The following FCRL5 variants were observed in gnomAD, a reference collection of about 807,000 sequenced individuals.
FCRL5 encodes the protein Fc receptor like 5.
Under a neutral mutation model 92.1 loss-of-function variants are expected in FCRL5, and 79 were observed. The observed-to-expected ratio is 0.86, with a 90% CI of 0.72 to 1.03. FCRL5 has a LOEUF of 1.03. Among genes scored for constraint, FCRL5 ranks in the 50% least tolerant of loss-of-function variants. FCRL5 has a pLI of 0.00. For synonymous variants in FCRL5, 466 were observed against 469.3 expected (o/e 0.99, Z 0.09); for missense variants, 1,160 against 1,181.1 (o/e 0.98, Z 0.26).
chr1:157,548,078 T>A (rs1201976388), intron 2 of FCRL5, among the ~76,000 whole-genome samples: 1 of 152,164 alleles, frequency 6.6e-6, no homozygotes, highest in African/African-American at 2.4e-5. Context: ...CTATCCTGAG[T>A]CAATATACTT....
At position 157,521,185 on chromosome 1, in the gene FCRL5, G is replaced by A; in HGVS notation, c.2347C>T (p.Leu783=). Residue 783 remains leucine, a synonymous_variant, in exon 11 of 17, where the codon CTG becomes TTG. Transcript: ENST00000361835. ...CEALRGSPLI[L]YRFFHEDVTL... ...ACATCCTCATGAAAAAACCGGTACA[G>A]GATCAGGGGAGAGCCTCTCAGGGCC... The A allele has an allele frequency of 6.2e-7, 1 of 1,614,160 alleles. No individual in the cohort carries two copies. Among genetic ancestry groups the A allele is most frequent in the East Asian group, 2.2e-5 (1 of 44,870 alleles).
chr1:157,546,540 T>C (rs1168147718), intron 3 of FCRL5, among the ~76,000 whole-genome samples: 14 of 148,932 alleles, frequency 9.4e-5, no homozygotes, highest in Non-Finnish European at 1.9e-4. Context: ...TCAAATAAAT[T>C]AATCCTCAGA....
At chr1:157,542,522 G>A (rs549199341) in intron 6 of FCRL5, 158 of 264,234 alleles carry the variant, frequency 6.0e-4, no homozygotes, top group African/African-American at 3.2e-3. Context: ...TTGAGTCTGT[G>A]TCTACTGAGA....
intron 6 of FCRL5, 92 bp downstream of exon 6, chr1:157,542,767 G>T: frequency 7.1e-7 from 1 of 1,415,666 alleles, no homozygotes; most frequent in Non-Finnish European, 9.6e-7. Flanking sequence ...AAGAAACTGA[G>T]GATACTGGAA....
intron 10 of FCRL5, among the ~76,000 whole-genome samples, chr1:157,522,957 C>T (rs1054189030): frequency 6.6e-6 from 1 of 152,126 alleles, no homozygotes; most frequent in African/African-American, 2.4e-5. Flanking sequence ...GGGAGAGCCC[C>T]TGCAAATCTC....
chr1:157,537,710 G>T (rs368694605), intron 7 of FCRL5, among the ~76,000 whole-genome samples: 1 of 151,996 alleles, frequency 6.6e-6, no homozygotes, highest in African/African-American at 2.4e-5. Flanking sequence ...TGTCGCCCCC[G>T]GACACCCAGC....
At position 157,552,488 on chromosome 1, in the gene FCRL5, G is replaced by T. The variant is rs895980126; in HGVS notation, c.-126C>A. ...CCAAGGAGCACATCTGAGAAGCTGT[G>T]CTCTCAAAAAGAGCAGAATGCATTA... On this transcript the variant is annotated 5_prime_UTR_variant, in exon 1 of 17. Transcript: ENST00000361835. The T allele has an allele frequency of 5.1e-6, 5 of 984,928 alleles. No individual in the cohort carries two copies. The highest frequency in any genetic ancestry group is 3.8e-5 in the Admixed American group (2 of 53,226). 61.0% of individuals were successfully genotyped at this position (984,928 alleles called of 1,614,324 possible).
intron 1 of FCRL5, among the ~76,000 whole-genome samples, chr1:157,551,952 G>C (rs1651837794): frequency 6.6e-6 from 1 of 152,134 alleles, no homozygotes; most frequent in South Asian, 2.1e-4. Context: ...ATCTGGCCTT[G>C]TCATACAAGG....
chr1:157,521,277 G>A lies in FCRL5; in HGVS notation c.2255C>T (p.Pro752Leu), dbSNP rs187912514. 16 of 1,608,910 alleles carry A rather than the reference G, an allele frequency of 9.9e-6. 1 individual carries two copies. In the African/African-American group the frequency reaches 1.2e-4, roughly 12 times the overall value. ...TLKVAVPVSR[P>L]VLTLRAPGTH... ...CCCGGGAGCCCTGAGGGTGAGGACC[G>A]GGCGAGACACCGGAACTGAAAGAGA... is the stretch of plus-strand genomic sequence containing the variant. Residue 752 changes from proline to leucine, a missense_variant, in exon 11 of 17, where the codon CCG becomes CTG. Transcript: ENST00000361835.
rs146907455 is a variant in FCRL5 at position 157,551,709 on chromosome 1, A to G, written c.31+623T>C. On this transcript the variant is annotated intron_variant, in intron 1 of 16. Coordinates refer to ENST00000361835, the MANE Select transcript of FCRL5 (RefSeq NM_031281.3). ...TATTTAATTATAATATTTAACCTTT[A>G]GTAAAAATCAACCAGTTCGCACATA... 5.6e-3 allele frequency among the ~76,000 whole-genome samples: 846 copies of G among 152,354 alleles called. 7 individuals carry two copies. The highest frequency in any genetic ancestry group is 0.018 in the African/African-American group (766 of 41,588).
At position 157,527,653 on chromosome 1, in the gene FCRL5, C is replaced by T. The variant is rs1194601987; in HGVS notation, c.1924G>A (p.Ala642Thr). ...AGTGATATTGTGTCACTGTGCTGGG[C>T]CACTAGGCCATTGTTGGCCTCACAT... ...YSCEANNGLV[A>T]QHSDTISLSV... The change falls in exon 9 of 17, where the codon GCC becomes ACC. Residue 642 changes from alanine (A) to threonine (T), a missense_variant. Ala to Thr is a moderately conservative substitution (Grantham distance 58). Coordinates refer to ENST00000361835, the MANE Select transcript of FCRL5 (RefSeq NM_031281.3). 1 of 1,613,402 alleles carries T rather than the reference C, an allele frequency of 6.2e-7. No homozygotes were observed.
intron 1 of FCRL5, 75 bp from the exon 2 acceptor site, chr1:157,549,655 AC>A: frequency 7.2e-7 from 1 of 1,383,930 alleles, no homozygotes; most frequent in East Asian, 2.4e-5. Context: ...TCCCTTTTTT[AC>A]CCATGCATGT....
intron 12 of FCRL5, among the ~76,000 whole-genome samples, chr1:157,520,186 C>T (rs1427878142): frequency 6.6e-6 from 1 of 152,196 alleles, no homozygotes; most frequent in Non-Finnish European, 1.5e-5. Flanking sequence ...GGAAGACACT[C>T]TGTAGTTTAT....
intron 2 of FCRL5, among the ~76,000 whole-genome samples, chr1:157,548,691 T>C (rs1479501009): frequency 2.0e-5 from 3 of 152,180 alleles, no homozygotes; most frequent in Non-Finnish European, 2.9e-5. Context: ...AAAATGCTCA[T>C]CATCACTGGC....
In FCRL5 at chr1:157,539,074, C is replaced by A. The variant is rs765418801; in HGVS notation, c.1402+12G>T. On this transcript the variant is annotated intron_variant, in intron 7 of 16. Coordinates refer to ENST00000361835, the MANE Select transcript of FCRL5 (RefSeq NM_031281.3). ...GCCAGGGGTGGGTGATTGGCAGGAA[C>A]CCAGGGCTTACCAGTGACGGAGAGG... 5 of 1,610,212 alleles carry A rather than the reference C, an allele frequency of 3.1e-6. No homozygotes were observed. The highest frequency in any genetic ancestry group is 4.2e-6 in the Non-Finnish European group (5 of 1,178,456).
intron 8 of FCRL5, among the ~76,000 whole-genome samples, chr1:157,530,553 A>T (rs1650651774): frequency 6.6e-6 from 1 of 152,134 alleles, no homozygotes; most frequent in Non-Finnish European, 1.5e-5. Context: ...TTCAGTAGAG[A>T]CAGGGTTTCT....
chr1:157,529,297 A>G (rs1192073274), intron 8 of FCRL5, among the ~76,000 whole-genome samples: 7 of 152,232 alleles, frequency 4.6e-5, no homozygotes, highest in Admixed American at 4.6e-4. Context: ...ACAAAAAATA[A>G]TAGATGTTGG....
chr1:157,534,857 C>G lies in FCRL5; in HGVS notation c.1438G>C (p.Ala480Pro), dbSNP rs139208993. 385 of 1,570,768 alleles carry G rather than the reference C, an allele frequency of 2.5e-4. No homozygotes were observed. The highest frequency in any genetic ancestry group is 7.3e-4 in the Middle Eastern group (4 of 5,446). The change falls in exon 8 of 17, where the codon GCT (alanine) becomes CCT (proline). Residue 480 changes from alanine (A) to proline (P), a missense_variant. Coordinates refer to ENST00000361835, the MANE Select transcript of FCRL5 (RefSeq NM_031281.3). The part of the protein sequence containing the change: ...VSHPVLTLSS[A>P]EALTFEGATV... ...GCTCCTTCAAAAGTCAGGGCCTCAG[C>G]AGAGCTGAGGGTGAGGACAGGATGA...
At chr1:157,528,194 TA>T (rs1205346794) in intron 8 of FCRL5, 1 of 215,614 alleles carries the variant, frequency 4.6e-6, no homozygotes. Context: ...GAGAATCAAA[TA>T]AAAAATTCAA....
Sources: gnomAD v4.1 joint callset for allele counts (sites outside exome capture counted in the v4.1 genomes callset) on GRCh38, gnomAD v4.1.1 for gene constraint, MANE v1.5 for transcripts, NCBI Gene and HGNC (gene_info 2026-07-23, HGNC 2026-07-21) for gene names.